Variants in MISP observed in about 807,000 individuals in gnomAD.
MISP encodes the protein mitotic interactor and substrate of PLK1.
Under a neutral mutation model 49.3 loss-of-function variants are expected in MISP, and 51 were observed. The observed-to-expected ratio is 1.03, with a 90% CI of 0.83 to 1.31. The LOEUF (loss-of-function observed/expected upper bound fraction) is 1.31, where lower values mean the gene tolerates loss of function less well. MISP is among the 50% of genes most tolerant of loss of function. MISP has a pLI of 0.00. For synonymous variants in MISP, 444 were observed against 392.6 expected (o/e 1.13, Z -1.55); for missense variants, 1,084 against 935.1 (o/e 1.16, Z -2.08).
intron 2 of MISP, 149 bp from the exon 3 acceptor site, chr19:759,760 G>A (rs1241026898): frequency 3.6e-6 from 3 of 834,534 alleles, no homozygotes; most frequent in East Asian, 5.5e-5. Context: ...CTCCTGACTG[G>A]CTACTTTGGT....
At chr19:762,102 C>T (rs1441834051) in intron 4 of MISP, among the ~76,000 whole-genome samples, 1 of 136,258 alleles carries the variant, frequency 7.3e-6, no homozygotes, top group South Asian at 2.7e-4. Flanking sequence ...CGCCCACCAC[C>T]ACGCCCGGCT....
rs73921311 is a variant in MISP at position 759,890 on chromosome 19, C to T, written c.1781-19C>T. 7,113 of 1,613,570 alleles carry T rather than the reference C, an allele frequency of 4.4e-3. 351 individuals are homozygous for T. The African/African-American group carries it at 0.085, about 19-fold the overall frequency. Reference sequence around the variant, plus strand: ...TCTGACAAATGTTCTAATGTTCTGCCCTCCCTGCTCCCCTACAGGCATCAC... The same window carrying T: ...TCTGACAAATGTTCTAATGTTCTGCTCTCCCTGCTCCCCTACAGGCATCAC... On this transcript the variant is annotated intron_variant, in intron 2 of 4. Transcript: ENST00000215582.
rs145115054 is a variant in MISP, at chr19:758,027, C to A, written c.1081C>A (p.Arg361Ser). 7 of 1,569,190 alleles carry A rather than the reference C, an allele frequency of 4.5e-6. No homozygotes were observed. The highest frequency in any genetic ancestry group is 6.0e-6 in the Non-Finnish European group (7 of 1,161,020). Residue 361 changes from arginine (R) to serine (S), a missense_variant, in exon 2 of 5, where the codon CGT becomes AGT. Coordinates refer to ENST00000215582, the MANE Select transcript of MISP (RefSeq NM_173481.4). Reference sequence around the variant, plus strand: ...GCGGGACATAGTACAGGAGACACAGCGTGAGGAAGACCACCGGCGGGAGGG... The same window carrying A: ...GCGGGACATAGTACAGGAGACACAGAGTGAGGAAGACCACCGGCGGGAGGG... ...VQRDIVQETQREEDHRREGLH... is the reference protein window; with the variant it reads ...VQRDIVQETQSEEDHRREGLH...
intron 4 of MISP, among the ~76,000 whole-genome samples, chr19:762,356 G>A (rs895009674): frequency 6.1e-5 from 9 of 147,824 alleles, no homozygotes; most frequent in South Asian, 2.1e-4. Context: ...AGGTTCAAGC[G>A]ATTCTCCTGC....
chr19:753,236 A>G (rs571817886), intron 1 of MISP, among the ~76,000 whole-genome samples: 6 of 152,138 alleles, frequency 3.9e-5, no homozygotes, highest in African/African-American at 1.4e-4. Context: ...TGTTTCCCCT[A>G]TTTTAGTTTC....
intron 1 of MISP, among the ~76,000 whole-genome samples, chr19:754,472 A>G (rs919025400): frequency 4.7e-5 from 7 of 148,718 alleles, no homozygotes; most frequent in African/African-American, 1.7e-4. Flanking sequence ...CAAAAAAAAG[A>G]AAAAATTAGC....
At chr19:759,358 C>T (rs1044215031) in intron 2 of MISP, among the ~76,000 whole-genome samples, 1 of 149,358 alleles carries the variant, frequency 6.7e-6, no homozygotes, top group Non-Finnish European at 1.5e-5. Flanking sequence ...GACAGTTGCA[C>T]CTTTTTGACA....
At position 758,535 on chromosome 19, in the gene MISP, T is replaced by A. The variant is rs1290403225; in HGVS notation, c.1589T>A (p.Val530Glu). The A allele has an allele frequency of 6.2e-7, 1 of 1,613,850 alleles. No homozygotes were observed. ...AQVPHVWGWE[V>E]AGAPALRLQK... The stretch of plus-strand genomic sequence containing the variant: ...GTCCCCCATGTCTGGGGCTGGGAGG[T>A]GGCTGGGGCCCCTGCACTGAGGCTG... The change falls in exon 2 of 5, where the codon GTG (valine) becomes GAG (glutamate). Residue 530 changes from valine (V) to glutamate (E), a missense_variant. Physicochemically the swap from Val to Glu is moderately radical, Grantham distance 121. Coordinates refer to ENST00000215582, the MANE Select transcript of MISP (RefSeq NM_173481.4).
Position 757,997 on chromosome 19 carries a change from G to T in MISP, c.1051G>T (p.Val351Leu). 6.3e-7 allele frequency: 1 copy of T among 1,575,914 alleles called. No homozygotes were observed. The highest frequency in any genetic ancestry group is 8.6e-7 in the Non-Finnish European group (1 of 1,165,558). Residue 351 changes from valine (V) to leucine (L), a missense_variant, in exon 2 of 5, where the codon GTG becomes TTG. Coordinates refer to ENST00000215582, the MANE Select transcript of MISP (RefSeq NM_173481.4). Reference protein sequence around the residue: ...RRERGRPSLYVQRDIVQETQR... With the variant: ...RRERGRPSLYLQRDIVQETQR... ...GGAGAGAGGGCGCCCGTCCCTCTAC[G>T]TGCAGCGGGACATAGTACAGGAGAC...
At chr19:759,166 G>GGC (rs2033631124) in intron 2 of MISP, among the ~76,000 whole-genome samples, 1 of 151,816 alleles carries the variant, frequency 6.6e-6, no homozygotes, top group Admixed American at 6.6e-5. Context: ...TGGGATTACA[G>GGC]GTGCCCACCA....
At position 757,947 on chromosome 19, in the gene MISP, T is replaced by C; in HGVS notation, c.1001T>C (p.Leu334Pro). 1.3e-6 allele frequency: 2 copies of C among 1,598,350 alleles called. No individual in the cohort carries two copies. The highest frequency in any genetic ancestry group is 1.7e-6 in the Non-Finnish European group (2 of 1,177,560). Residue 334 changes from leucine to proline, a missense_variant, in exon 2 of 5, where the codon CTG becomes CCG. By Grantham distance (98) the Leu-to-Pro change is moderately conservative. Coordinates refer to ENST00000215582, the MANE Select transcript of MISP (RefSeq NM_173481.4). ...CCCACCAGGCCGCTGCTGACCAAGC[T>C]GAGCCTGATCACAGCCCCACGGCGG... is the stretch of plus-strand genomic sequence containing the variant. ...EIPTRPLLTK[L>P]SLITAPRRER...
chr19:749,812 G>A (rs576774938), upstream of MISP, among the ~76,000 whole-genome samples: 92 of 151,952 alleles, frequency 6.1e-4, no homozygotes, highest in African/African-American at 2.1e-3. Flanking sequence ...TGACAAGAGC[G>A]AGACTCCGTC....
chr19:760,153 A>C, intron 3 of MISP, 114 bp downstream of exon 3: 1 of 1,250,200 alleles, frequency 8.0e-7, no homozygotes, highest in South Asian at 1.4e-5. Context: ...CACTACCCCC[A>C]CCCCTGGCCG....
chr19:757,603 C>T lies in MISP; in HGVS notation c.657C>T (p.Thr219=), dbSNP rs751212308. The change falls in exon 2 of 5, where the codon ACC becomes ACT. Residue 219 remains threonine (T), a synonymous_variant. Transcript: ENST00000215582. ...GAPHSSPARG[T]PAGTTPGASQ... ...CTCATAGCTCCCCGGCCAGGGGGAC[C>T]CCTGCAGGCACAACCCCAGGGGCCA... 6.2e-7 allele frequency: 1 copy of T among 1,612,774 alleles called. No individual in the cohort carries two copies. The highest frequency in any genetic ancestry group is 8.5e-7 in the Non-Finnish European group (1 of 1,179,680).
At chr19:760,179 C>A in intron 3 of MISP, 140 bp downstream of exon 3, 1 of 894,626 alleles carries the variant, frequency 1.1e-6, no homozygotes, top group Non-Finnish European at 1.7e-6. Flanking sequence ...CAGTCTCCTG[C>A]AGATGTCAGG....
intron 1 of MISP, among the ~76,000 whole-genome samples, chr19:754,084 G>A (rs1472269771): frequency 6.6e-5 from 10 of 152,176 alleles, no homozygotes; most frequent in Non-Finnish European, 7.3e-5. Context: ...TTGGGAGGCC[G>A]AGGCAGGCGG....
At position 758,559 on chromosome 19, in the gene MISP, T is replaced by G; in HGVS notation, c.1613T>G (p.Leu538Arg). 1 of 1,614,186 alleles carries G rather than the reference T, an allele frequency of 6.2e-7. No homozygotes were observed. The change falls in exon 2 of 5, where the codon CTG becomes CGG. Residue 538 changes from leucine (L) to arginine (R), a missense_variant. Transcript: ENST00000215582. ...WEVAGAPALR[L>R]QKSQSSDLLE... The stretch of plus-strand genomic sequence containing the variant: ...GTGGCTGGGGCCCCTGCACTGAGGC[T>G]GCAGAAGTCCCAGTCATCTGATCTG...
In MISP at chr19:757,879, G is replaced by A. The variant is rs760919840; in HGVS notation, c.933G>A (p.Arg311=). 1 of 1,608,256 alleles carries A rather than the reference G, an allele frequency of 6.2e-7. No homozygotes were observed. The highest frequency in any genetic ancestry group is 1.1e-5 in the South Asian group (1 of 91,044). The stretch of plus-strand genomic sequence containing the variant: ...GTGAGGCAGACCTGCGAGAGCAGAG[G>A]GGGCTTCGGCAGGCAACCGACCACC... The part of the protein sequence containing the change: ...QEREADLREQ[R]GLRQATDHQE... The change falls in exon 2 of 5, where the codon AGG becomes AGA. Residue 311 remains arginine (R), a synonymous_variant. Transcript: ENST00000215582.
At position 757,173 on chromosome 19, in the gene MISP, A is replaced by G; in HGVS notation, c.227A>G (p.Gln76Arg). Residue 76 changes from glutamine (Q) to arginine (R), a missense_variant, in exon 2 of 5, where the codon CAG (glutamine) becomes CGG (arginine). Physicochemically the swap from Gln to Arg is conservative, Grantham distance 43. Transcript: ENST00000215582. Reference protein sequence around the residue: ...VSYSVHAYTGQPSPRGLHSEN... With the variant: ...VSYSVHAYTGRPSPRGLHSEN... ...TACAGCGTGCATGCCTACACTGGCC[A>G]GCCGTCCCCACGGGGGCTCCACTCG... The G allele has an allele frequency of 1.2e-6, 2 of 1,613,464 alleles. No homozygotes were observed. The highest frequency in any genetic ancestry group is 1.7e-6 in the Non-Finnish European group (2 of 1,179,958).
Sources: allele counts gnomAD v4.1 joint callset (sites outside exome capture counted in the v4.1 genomes callset), GRCh38; gene constraint gnomAD v4.1.1; transcripts MANE v1.5; gene names NCBI Gene and HGNC (gene_info 2026-07-23, HGNC 2026-07-21).